The following RELL1 variants were observed in gnomAD, a reference collection of about 807,000 sequenced individuals.
RELL1 encodes RELT like 1.
Under a neutral mutation model 23.0 loss-of-function variants are expected in RELL1, and 10 were observed. The ratio of observed to expected loss-of-function variants is 0.43; its 90% confidence interval spans 0.27 to 0.74. The LOEUF (loss-of-function observed/expected upper bound fraction) is 0.74. Ranked by LOEUF, RELL1 falls within the 30% of genes least tolerant of loss-of-function variation. The pLI is 0.19. For missense variants in RELL1, 315 were observed against 364.4 expected (o/e 0.86, Z 1.10); for synonymous variants, 146 against 146.8 (o/e 0.99, Z 0.04).
At chr4:37,654,539 T>C (rs774862444) in intron 1 of RELL1, among the ~76,000 whole-genome samples, 1 of 152,226 alleles carries the variant, frequency 6.6e-6, no homozygotes, top group Admixed American at 6.5e-5. Flanking sequence ...TTTCCTTCAA[T>C]TTACACTAAT....
At chr4:37,681,142 T>C (rs78757553) in intron 1 of RELL1, among the ~76,000 whole-genome samples, 5,668 of 152,204 alleles carry the variant, frequency 0.037, 152 homozygotes, top group African/African-American at 0.073. Flanking sequence ...ACTTAACTCC[T>C]ATGCAACAGT....
At chr4:37,631,908 G>C (rs1720149794) in intron 5 of RELL1, among the ~76,000 whole-genome samples, 1 of 151,724 alleles carries the variant, frequency 6.6e-6, no homozygotes, top group Admixed American at 6.6e-5. Context: ...GCAAAACTCT[G>C]TCTCTACAGA....
At chr4:37,614,029 C>T (rs1311014378) in intron 6 of RELL1, among the ~76,000 whole-genome samples, 1 of 152,190 alleles carries the variant, frequency 6.6e-6, no homozygotes, top group Non-Finnish European at 1.5e-5. Flanking sequence ...TGAACCCACA[C>T]AAGGTTAAGG....
Position 37,659,303 on chromosome 4 carries a change from C to T in RELL1, c.89-9803G>A, listed in dbSNP as rs190447006. ...ATCCTGCTGAGATTACAAAAGAAAA[C>T]GTGAGATGAAAAAGATCAAAGACAG... is the stretch of plus-strand genomic sequence containing the variant. On this transcript the variant is annotated intron_variant, in intron 1 of 6. Coordinates refer to ENST00000454158, the MANE Select transcript of RELL1 (RefSeq NM_001085400.2). Among the ~76,000 whole-genome samples the T allele has an allele frequency of 1.9e-3, 284 of 152,160 alleles. 3 individuals are homozygous for T. The highest frequency in any genetic ancestry group is 1.0e-3 in the South Asian group (5 of 4,828).
chr4:37,679,821 G>A (rs1183477520), intron 1 of RELL1, among the ~76,000 whole-genome samples: 1 of 151,964 alleles, frequency 6.6e-6, no homozygotes, highest in Admixed American at 6.6e-5. Flanking sequence ...TGGGCGTGGT[G>A]CATGCCTGTA....
intron 6 of RELL1, among the ~76,000 whole-genome samples, chr4:37,623,971 T>A (rs1276054130): frequency 1.3e-5 from 2 of 152,228 alleles, no homozygotes; most frequent in Admixed American, 1.3e-4. Flanking sequence ...TTTCTCATCA[T>A]TAACTGCTTC....
intron 1 of RELL1, among the ~76,000 whole-genome samples, chr4:37,661,851 T>A (rs1721368094): frequency 6.6e-6 from 1 of 152,152 alleles, no homozygotes; most frequent in Non-Finnish European, 1.5e-5. Context: ...AGTGCTGAAC[T>A]CTGTAGTGAA....
At chr4:37,606,959 A>G (rs750326379), downstream of RELL1, among the ~76,000 whole-genome samples, 2 of 152,254 alleles carry the variant, frequency 1.3e-5, no homozygotes, top group Non-Finnish European at 2.9e-5. This position sits in a 1 kb window ranked among gnomAD's most constrained non-coding sequence, Gnocchi z 4.1. Flanking sequence ...ATCACGGGTA[A>G]TATGTACCAT....
At chr4:37,635,888 A>G (rs1158081141) in intron 4 of RELL1, among the ~76,000 whole-genome samples, 3 of 152,236 alleles carry the variant, frequency 2.0e-5, no homozygotes, top group African/African-American at 7.2e-5. Context: ...ACTTAGAGAA[A>G]ACATTTGATC....
At chr4:37,642,141 G>A (rs1445487246) in intron 3 of RELL1, among the ~76,000 whole-genome samples, 1 of 152,196 alleles carries the variant, frequency 6.6e-6, no homozygotes, top group Admixed American at 6.5e-5. Context: ...ATAATCAACA[G>A]AGAAAGTTTC....
At chr4:37,638,245 C>T (rs368012382) in intron 4 of RELL1, among the ~76,000 whole-genome samples, 151 of 152,290 alleles carry the variant, frequency 9.9e-4, no homozygotes, top group African/African-American at 3.5e-3. Context: ...GCTCTGACAC[C>T]TTGTGAGTGA....
At chr4:37,623,013 C>T in intron 6 of RELL1, 1 of 357,242 alleles carries the variant, frequency 2.8e-6, no homozygotes, top group South Asian at 2.1e-5. Context: ...CCGTGTTGTC[C>T]AGGCTGGTCT....
chr4:37,618,869 T>C (rs1281873247), intron 6 of RELL1, among the ~76,000 whole-genome samples: 2 of 150,378 alleles, frequency 1.3e-5, no homozygotes, highest in East Asian at 3.9e-4. Flanking sequence ...GTTGGTCGTT[T>C]TTCTTTTCTT....
rs369484403 is a variant in RELL1 at position 37,661,050 on chromosome 4, C to CA, written c.89-11551dup. Among the ~76,000 whole-genome samples the CA allele has an allele frequency of 4.7e-3, 704 of 150,692 alleles. 8 individuals carry two copies. The highest frequency in any genetic ancestry group is 0.016 in the African/African-American group (677 of 41,082). ...TGTCTCAAAAAAAAAAAACAAAAAA[C>CA]AAAAAACCACAAACAAACAAACAAA... is the stretch of plus-strand genomic sequence containing the variant. On this transcript the variant is annotated intron_variant, in intron 1 of 6. Coordinates refer to ENST00000454158, the MANE Select transcript of RELL1 (RefSeq NM_001085400.2).
chr4:37,656,342 G>A (rs1031442419), intron 1 of RELL1, among the ~76,000 whole-genome samples: 1 of 152,126 alleles, frequency 6.6e-6, no homozygotes, highest in Non-Finnish European at 1.5e-5. Flanking sequence ...TGTTTGCCAG[G>A]GGCTGGGAGG....
intron 4 of RELL1, among the ~76,000 whole-genome samples, chr4:37,638,184 G>C (rs1225757308): frequency 6.6e-6 from 1 of 152,218 alleles, no homozygotes; most frequent in Non-Finnish European, 1.5e-5. Flanking sequence ...CATTGACAAT[G>C]TGTGGAGACA....
At chr4:37,605,843 GAAGGAAAA>G (rs773325032), downstream of RELL1, among the ~76,000 whole-genome samples, 237 of 87,434 alleles carry the variant, frequency 2.7e-3, 1 homozygote, top group Middle Eastern at 6.6e-3. Flanking sequence ...AAGAAAGAAA[GAAGGAAAA>G]GAAAAGAAAA....
intron 1 of RELL1, among the ~76,000 whole-genome samples, chr4:37,651,230 C>T (rs1484572760): frequency 1.3e-5 from 2 of 152,060 alleles, no homozygotes; most frequent in East Asian, 1.9e-4. Flanking sequence ...CCAAGGCAGG[C>T]GGATCACTTG....
At chr4:37,639,022 T>A (rs1720430869) in intron 3 of RELL1, among the ~76,000 whole-genome samples, 1 of 152,128 alleles carries the variant, frequency 6.6e-6, no homozygotes, top group African/African-American at 2.4e-5. Context: ...GATTCAGGGA[T>A]GAGAGAAGGT....
Sources: allele counts gnomAD v4.1 joint callset (sites outside exome capture counted in the v4.1 genomes callset), GRCh38; gene constraint gnomAD v4.1.1; non-coding constraint Gnocchi (gnomAD v3.1); transcripts MANE v1.5; gene names NCBI Gene and HGNC (gene_info 2026-07-23, HGNC 2026-07-21).